PLEK: variants seen among roughly 807,000 people sequenced by gnomAD.
PLEK encodes the protein pleckstrin, also known as platelet 47 kDa protein.
A neutral mutation model predicts 43.9 loss-of-function variants in PLEK; 25 were observed. The ratio of observed to expected loss-of-function variants is 0.57; its 90% confidence interval spans 0.41 to 0.79. The LOEUF is 0.79. Ranked by LOEUF, PLEK falls within the 30% of genes least tolerant of loss-of-function variation. The pLI is 0.00. For synonymous variants in PLEK, 152 were observed against 144.4 expected (o/e 1.05, Z -0.38); for missense variants, 396 against 413.3 (o/e 0.96, Z 0.36).
At chr2:68,380,191 G>A (rs1292944593) in intron 1 of PLEK, 137 bp from the exon 2 acceptor site, 2 of 657,394 alleles carry the variant, frequency 3.0e-6, no homozygotes, top group Non-Finnish European at 5.1e-6. Context: ...GAGAGGATTT[G>A]TGTTGAAGGA....
chr2:68,373,527 G>A (rs1403512252), intron 1 of PLEK, among the ~76,000 whole-genome samples: 1 of 151,248 alleles, frequency 6.6e-6, no homozygotes, highest in African/African-American at 2.4e-5. Flanking sequence ...TGTATACATA[G>A]GTAACTAACC....
intron 1 of PLEK, among the ~76,000 whole-genome samples, chr2:68,376,719 T>C (rs1673509946): frequency 6.6e-6 from 1 of 152,216 alleles, no homozygotes. Context: ...AATAACACCA[T>C]GGAGAATGGG....
intron 1 of PLEK, 157 bp downstream of exon 1, chr2:68,365,550 G>T: frequency 1.6e-6 from 1 of 625,394 alleles, no homozygotes; most frequent in South Asian, 1.7e-5. Context: ...GTTGGAGTGG[G>T]GTTAGGGGAG....
At chr2:68,376,421 C>T (rs1469446228) in intron 1 of PLEK, among the ~76,000 whole-genome samples, 12 of 152,250 alleles carry the variant, frequency 7.9e-5, no homozygotes, top group South Asian at 4.1e-4. Flanking sequence ...ATCCTTCCTG[C>T]GCAGCCTTGT....
intron 1 of PLEK, among the ~76,000 whole-genome samples, chr2:68,367,682 T>A (rs1282286809): frequency 1.3e-5 from 2 of 152,228 alleles, no homozygotes; most frequent in Admixed American, 6.5e-5. Context: ...TGTATCAGCA[T>A]CAATATATGC....
Position 68,394,158 on chromosome 2 carries a change from G to A in PLEK, c.898G>A (p.Val300Met). The A allele has an allele frequency of 6.2e-7, 1 of 1,606,562 alleles. No homozygotes were observed. Among genetic ancestry groups the A allele is most frequent in the Non-Finnish European group, 8.5e-7 (1 of 1,173,164 alleles). Residue 300 changes from valine to methionine, a missense_variant, in exon 8 of 9, where the codon GTG (valine) becomes ATG (methionine). Coordinates refer to ENST00000234313, the MANE Select transcript of PLEK (RefSeq NM_002664.3). ...IHLRGCVVTS[V>M]ESNSNGRKSE... ...CTTGAGAGGCTGTGTGGTGACTTCA[G>A]TGGAGAGCAACTCAAATGGTAAGAT...
chr2:68,380,321 A>T lies in PLEK; in HGVS notation c.43-7A>T. On this transcript the variant is annotated splice_region_variant and splice_polypyrimidine_tract_variant and intron_variant, in intron 1 of 8. Transcript: ENST00000234313. Reference sequence around the variant, plus strand: ...GTCCATCTCAGCTCTTTTGGTTGTCATTACAGGGGAGCGTGTTCAATACGT... The same window carrying T: ...GTCCATCTCAGCTCTTTTGGTTGTCTTTACAGGGGAGCGTGTTCAATACGT... 1 of 1,606,028 alleles carries T rather than the reference A, an allele frequency of 6.2e-7. No homozygotes were observed. The highest frequency in any genetic ancestry group is 1.1e-5 in the South Asian group (1 of 90,460).
At chr2:68,392,360 C>G (rs1023045167) in intron 6 of PLEK, among the ~76,000 whole-genome samples, 6 of 152,064 alleles carry the variant, frequency 3.9e-5, no homozygotes, top group African/African-American at 9.7e-5. Flanking sequence ...CCATCTTTTC[C>G]TGGGCTTTCC....
In PLEK at chr2:68,388,415, A is replaced by T; in HGVS notation, c.686A>T (p.Asn229Ile). ...FPDSGFFCEENSSDDDVILKE... is the reference protein window; with the variant it reads ...FPDSGFFCEEISSDDDVILKE... The stretch of plus-strand genomic sequence containing the variant: ...GACAGTGGGTTCTTCTGTGAAGAGA[A>T]TTCCAGTGATGATGATGTGATTCTG... Residue 229 changes from asparagine to isoleucine, a missense_variant, in exon 6 of 9, where the codon AAT (asparagine) becomes ATT (isoleucine). Coordinates refer to ENST00000234313, the MANE Select transcript of PLEK (RefSeq NM_002664.3). The T allele has an allele frequency of 6.2e-7, 1 of 1,610,532 alleles. No homozygotes were observed. Among genetic ancestry groups the T allele is most frequent in the Non-Finnish European group, 8.5e-7 (1 of 1,176,702 alleles).
intron 6 of PLEK, among the ~76,000 whole-genome samples, chr2:68,389,310 A>G (rs892258243): frequency 6.6e-6 from 1 of 152,232 alleles, no homozygotes; most frequent in Non-Finnish European, 1.5e-5. Context: ...TGCAGGACCA[A>G]GGTCTTGCCT....
chr2:68,374,153 C>T lies in PLEK; in HGVS notation c.43-6175C>T, dbSNP rs1417970962. ...GAGATAGTTGAGAGTAATTTGCAGA[C>T]ATCACGCTACCTCACTCCAAAATAC... is the stretch of plus-strand genomic sequence containing the variant. On this transcript the variant is annotated intron_variant, in intron 1 of 8. Coordinates refer to ENST00000234313, the MANE Select transcript of PLEK (RefSeq NM_002664.3). 2.0e-5 allele frequency among the ~76,000 whole-genome samples: 3 copies of T among 152,184 alleles called. No homozygotes were observed. In the East Asian group the frequency reaches 5.8e-4, roughly 29 times the overall value.
chr2:68,384,338 C>A (rs149733421), intron 4 of PLEK, among the ~76,000 whole-genome samples: 1 of 152,108 alleles, frequency 6.6e-6, no homozygotes, highest in Non-Finnish European at 1.5e-5. Flanking sequence ...GATTCTCGTG[C>A]CTCAGCCTCC....
At chr2:68,378,882 C>A (rs1673556579) in intron 1 of PLEK, among the ~76,000 whole-genome samples, 1 of 152,160 alleles carries the variant, frequency 6.6e-6, no homozygotes, top group Non-Finnish European at 1.5e-5. Flanking sequence ...GTAATCCCAG[C>A]ACTCTGGGAG....
At chr2:68,388,635 C>A in intron 6 of PLEK, 144 bp downstream of exon 6, 1 of 528,458 alleles carries the variant, frequency 1.9e-6, no homozygotes, top group African/African-American at 1.9e-5. Context: ...ATGAGTAGCT[C>A]TTTAGATATC....
At chr2:68,372,755 T>C (rs923472795) in intron 1 of PLEK, among the ~76,000 whole-genome samples, 2 of 152,012 alleles carry the variant, frequency 1.3e-5, no homozygotes, top group African/African-American at 4.8e-5. Context: ...TGTGTGTGTA[T>C]ATATATCTCC....
intron 4 of PLEK, among the ~76,000 whole-genome samples, chr2:68,383,342 C>T (rs1673667992): frequency 6.6e-6 from 1 of 152,046 alleles, no homozygotes; most frequent in Admixed American, 6.6e-5. Context: ...ACAACCAATT[C>T]CAGGGGTTCA....
chr2:68,383,475 CAG>C (rs1313709417), intron 4 of PLEK, among the ~76,000 whole-genome samples: 2 of 150,806 alleles, frequency 1.3e-5, no homozygotes, highest in African/African-American at 4.9e-5. Context: ...GGAGCCAGGG[CAG>C]AGGATGAGCA....
intron 1 of PLEK, among the ~76,000 whole-genome samples, chr2:68,374,692 C>G (rs747412244): frequency 2.6e-5 from 4 of 152,102 alleles, no homozygotes; most frequent in Non-Finnish European, 5.9e-5. Context: ...TCGTCGGTAA[C>G]CATTATTGTA....
intron 6 of PLEK, among the ~76,000 whole-genome samples, chr2:68,391,204 C>T (rs528639263): frequency 1.6e-4 from 24 of 152,122 alleles, no homozygotes; most frequent in Admixed American, 2.0e-4. Context: ...CTGCTAACTT[C>T]CAACTCTTCA....
Sources: allele counts gnomAD v4.1 joint callset (sites outside exome capture counted in the v4.1 genomes callset), GRCh38; gene constraint gnomAD v4.1.1; transcripts MANE v1.5; gene names NCBI Gene and HGNC (gene_info 2026-07-23, HGNC 2026-07-21).